The following NOP53 variants were observed in gnomAD, a reference collection of about 807,000 sequenced individuals.
NOP53 encodes the protein ribosome biogenesis protein NOP53.
A neutral mutation model predicts 61.0 loss-of-function variants in NOP53; 40 were observed. The observed-to-expected ratio is 0.66, with a 90% CI of 0.51 to 0.85. NOP53 has a LOEUF of 0.85. Among genes scored for constraint, NOP53 ranks in the 40% least tolerant of loss-of-function variants. NOP53 has a pLI of 0.00. For missense variants in NOP53, 689 were observed against 652.9 expected, an observed-to-expected ratio of 1.06 and a Z score of -0.60; for synonymous variants, 308 against 289.5, an observed-to-expected ratio of 1.06 and a Z score of -0.65.
intron 8 of NOP53, among the ~76,000 whole-genome samples, 161 bp downstream of exon 8, chr19:47,755,052 T>C (rs1253058414): frequency 6.6e-6 from 1 of 152,100 alleles, no homozygotes; most frequent in Non-Finnish European, 1.5e-5. Flanking sequence ...CTGAGACTCA[T>C]TTCCCAGCCT....
rs772407067 is a variant in NOP53 at position 47,745,762 on chromosome 19, G to A, written c.203G>A (p.Arg68Gln). The A allele has an allele frequency of 3.2e-6, 5 of 1,573,644 alleles. No individual in the cohort carries two copies. Among genetic ancestry groups the A allele is most frequent in the Admixed American group, 1.9e-5 (1 of 52,806 alleles). Reference protein sequence around the residue: ...LEVDQFLEDVRLQERTSGGLL... With the variant: ...LEVDQFLEDVQLQERTSGGLL... ...GTTGACCAGTTCCTGGAAGACGTGC[G>A]GCTACAGGAGCGCACGAGCGGGTAC... Residue 68 changes from arginine (R) to glutamine (Q), a missense_variant, in exon 1 of 13, where the codon CGG becomes CAG. Arg to Gln is a conservative substitution (Grantham distance 43, BLOSUM62 1). Transcript: ENST00000246802.
chr19:47,756,049 C>A (rs2123679884), intron 10 of NOP53: 2 of 582,654 alleles, frequency 3.4e-6, no homozygotes, highest in Non-Finnish European at 6.1e-6. Flanking sequence ...TCCAGCTGGT[C>A]CCTGTTGCAG....
chr19:47,746,156 A>G (rs1304003293), intron 1 of NOP53: 1 of 198,288 alleles, frequency 5.0e-6, no homozygotes, highest in Non-Finnish European at 1.0e-5. Context: ...GTGTGTATAT[A>G]TATATGTGTA....
At position 47,745,734 on chromosome 19, in the gene NOP53, G is replaced by C; in HGVS notation, c.175G>C (p.Glu59Gln). 6.2e-7 allele frequency: 1 copy of C among 1,605,626 alleles called. No homozygotes were observed. The highest frequency in any genetic ancestry group is 1.1e-5 in the South Asian group (1 of 90,778). ...RRLAQEPLGLEVDQFLEDVRL... is the reference protein window; with the variant it reads ...RRLAQEPLGLQVDQFLEDVRL... ...GCTTGCTCAGGAGCCGCTGGGGCTG[G>C]AGGTTGACCAGTTCCTGGAAGACGT... The change falls in exon 1 of 13, where the codon GAG becomes CAG. Residue 59 changes from glutamate (E) to glutamine (Q), a missense_variant. Coordinates refer to ENST00000246802, the MANE Select transcript of NOP53 (RefSeq NM_015710.5).
rs1302941369 is a variant in NOP53 at position 47,745,622 on chromosome 19, T to C, written c.63T>C (p.Gly21=). The part of the protein sequence containing the change: ...KRSSKSDADS[G]FLGLRPTSVD... ...GCTCGAAAAGCGATGCCGATTCTGG[T>C]TTCCTGGGGCTGCGGCCCACTTCGG... The change falls in exon 1 of 13, where the codon GGT becomes GGC. Residue 21 remains glycine, a synonymous_variant. Coordinates refer to ENST00000246802, the MANE Select transcript of NOP53 (RefSeq NM_015710.5). 1 of 1,613,830 alleles carries C rather than the reference T, an allele frequency of 6.2e-7. No homozygotes were observed. The highest frequency in any genetic ancestry group is 1.3e-5 in the African/African-American group (1 of 74,888).
rs747037075 is a variant in NOP53 at position 47,750,902 on chromosome 19, G to A, written c.399-6G>A. 14 of 1,578,486 alleles carry A rather than the reference G, an allele frequency of 8.9e-6. No homozygotes were observed. In the East Asian group the frequency reaches 9.2e-5, roughly 10 times the overall value. ...TGCTGCACTTGTGCCCCCTCTCCCC[G>A]ACCAGCGTCCTCGCCCACCAGGTCC... is the stretch of plus-strand genomic sequence containing the variant. On this transcript the variant is annotated splice_polypyrimidine_tract_variant and splice_region_variant and intron_variant, in intron 3 of 12. Coordinates refer to ENST00000246802, the MANE Select transcript of NOP53 (RefSeq NM_015710.5).
rs1329768762 is a variant in NOP53, at chr19:47,752,520, A to T, written c.678A>T (p.Ala226=). The change falls in exon 6 of 13, where the codon GCA becomes GCT. Residue 226 remains alanine (A), a synonymous_variant. Coordinates refer to ENST00000246802, the MANE Select transcript of NOP53 (RefSeq NM_015710.5). ...QTKKKGVKRP[A]RLHTKPSQAP... is the part of the protein sequence containing the mutation. ...CGGCCTTTTCTCCACAGCGGCCAGCACGCCTGCACACCAAGCCGTCCCAGG... is the reference window on the plus strand; with the variant it reads ...CGGCCTTTTCTCCACAGCGGCCAGCTCGCCTGCACACCAAGCCGTCCCAGG... 2 of 1,601,316 alleles carry T rather than the reference A, an allele frequency of 1.2e-6. No homozygotes were observed. The highest frequency in any genetic ancestry group is 1.7e-6 in the Non-Finnish European group (2 of 1,173,906).
In NOP53 at chr19:47,755,467, G is replaced by A. The variant is rs1439958681; in HGVS notation, c.1173G>A (p.Arg391=). Residue 391 remains arginine (R), a synonymous_variant, in exon 9 of 13, where the codon CGG becomes CGA. Coordinates refer to ENST00000246802, the MANE Select transcript of NOP53 (RefSeq NM_015710.5). ...CGGAGCTGGCGCGGCGGCAGAGGCG[G>A]CGGCAGGCGCGGCGGGAGGCTGAGG... ...RLAELARRQR[R]RQARREAEAD... 1.3e-6 allele frequency: 2 copies of A among 1,491,922 alleles called. No homozygotes were observed. The highest frequency in any genetic ancestry group is 1.8e-6 in the Non-Finnish European group (2 of 1,125,408). 92.4% of individuals were successfully genotyped at this position (1,491,922 alleles called of 1,614,324 possible). A position where few individuals can be genotyped will look rare whatever the true frequency, so the allele number is the denominator to read the frequency against.
Position 47,757,020 on chromosome 19 carries a change from C to T in NOP53, c.*15C>T, listed in dbSNP as rs113262460. ...CCAGGTTGTAGCTGCCATCAGATGC[C>T]GGAGACTCGCCCTTCAATAAAAAAT... On this transcript the variant is annotated 3_prime_UTR_variant, in exon 13 of 13. Coordinates refer to ENST00000246802, the MANE Select transcript of NOP53 (RefSeq NM_015710.5). 15,778 of 1,613,540 alleles carry T rather than the reference C, an allele frequency of 9.8e-3. 190 individuals are homozygous for T. Among genetic ancestry groups the T allele is most frequent in the Admixed American group, 0.053 (3,183 of 59,958 alleles).
rs747469849 is a variant in NOP53, at chr19:47,751,539, G to T, written c.618G>T (p.Leu206Phe). ...WASDNPLDRP[L>F]VGQDEFFLEQ... is the part of the protein sequence containing the mutation. The stretch of plus-strand genomic sequence containing the variant: ...CCACAGACCCCCTGGACAGGCCGTT[G>T]GTTGGCCAGGATGAGTTTTTCCTGG... The change falls in exon 5 of 13, where the codon TTG becomes TTT. Residue 206 changes from leucine to phenylalanine, a missense_variant. By Grantham distance (22) the Leu-to-Phe change is conservative. Transcript: ENST00000246802. The T allele has an allele frequency of 1.2e-6, 2 of 1,613,956 alleles. No individual in the cohort carries two copies. Among genetic ancestry groups the T allele is most frequent in the South Asian group, 1.1e-5 (1 of 91,074 alleles).
At chr19:47,747,431 C>G (rs1268113727) in intron 2 of NOP53, among the ~76,000 whole-genome samples, 1 of 152,062 alleles carries the variant, frequency 6.6e-6, no homozygotes, top group East Asian at 1.9e-4. Context: ...CACCTGAGGT[C>G]AGGAGTTCGA....
At chr19:47,750,887 G>A in intron 3 of NOP53, 21 bp from the exon 4 acceptor site, 1 of 1,563,326 alleles carries the variant, frequency 6.4e-7, no homozygotes, top group Non-Finnish European at 8.7e-7. Flanking sequence ...TGCTGCACTT[G>A]TGCCCCCTCT....
At chr19:47,756,221 T>C (rs10414116) in intron 10 of NOP53, 100,037 of 526,090 alleles carry the variant, frequency 0.19, 14,781 homozygotes, top group African/African-American at 0.58. Flanking sequence ...CTCCAGCCAG[T>C]TGTGCTCATG....
At chr19:47,752,697 A>G (rs376275665) in intron 6 of NOP53, 90 bp downstream of exon 6, 25 of 837,724 alleles carry the variant, frequency 3.0e-5, no homozygotes, top group South Asian at 1.2e-4. Flanking sequence ...GGGAACTCCA[A>G]TGACCCAGAC....
intron 1 of NOP53, 91 bp from the exon 2 acceptor site, chr19:47,746,876 G>A: frequency 9.5e-7 from 1 of 1,057,708 alleles, no homozygotes. Flanking sequence ...GGCGGGACTT[G>A]ACTAAGCGGA....
rs906921534 is a variant in NOP53, at chr19:47,754,398, T to G, written c.766-129T>G. 2 of 709,618 alleles carry G rather than the reference T, an allele frequency of 2.8e-6. No individual in the cohort carries two copies. The highest frequency in any genetic ancestry group is 3.5e-5 in the South Asian group (2 of 57,862). 44.0% of individuals were successfully genotyped at this position (709,618 alleles called of 1,614,324 possible). On this transcript the variant is annotated intron_variant, in intron 6 of 12. Transcript: ENST00000246802. This position sits in a 1 kb window ranked among gnomAD's most constrained non-coding sequence, Gnocchi z 4.2. ...AGGGTGGGTGTGCTGGTAGACGGGG[T>G]GTGGGGAGGAAAGCCTGGGCCGGGG...
chr19:47,755,293 G>T, intron 8 of NOP53, 55 bp from the exon 9 acceptor site: 4 of 1,214,294 alleles, frequency 3.3e-6, no homozygotes, highest in South Asian at 1.6e-5. Flanking sequence ...TAGAGAGAAG[G>T]TCTCCCTGTG....
At chr19:47,756,820 C>T (rs1967207257) in intron 12 of NOP53, 76 bp downstream of exon 12, 20 of 1,551,814 alleles carry the variant, frequency 1.3e-5, no homozygotes, top group Admixed American at 1.7e-5. Flanking sequence ...CCCAGGGCCC[C>T]TTCCAGAGTG....
rs1324339904 is a variant in NOP53 at position 47,755,435 on chromosome 19, AG to A, written c.1143del (p.Arg381SerfsTer40). On this transcript the variant is annotated frameshift_variant, in exon 9 of 13. Coordinates refer to ENST00000246802, the MANE Select transcript of NOP53 (RefSeq NM_015710.5). LOFTEE classifies it high-confidence loss of function. ...LRGIKAQVAL[R>X]LAELARRQRR... ...CGGGATCAAGGCCCAGGTGGCCCTG[AG>A]GCTGGCGGAGCTGGCGCGGCGGCAG... is the stretch of plus-strand genomic sequence containing the variant. The A allele has an allele frequency of 6.5e-7, 1 of 1,526,924 alleles. No homozygotes were observed. The highest frequency in any genetic ancestry group is 1.4e-5 in the African/African-American group (1 of 70,492). 94.6% of individuals were successfully genotyped at this position (1,526,924 alleles called of 1,614,324 possible). A position where few individuals can be genotyped will look rare whatever the true frequency, so the allele number is the denominator to read the frequency against.
Sources: gnomAD v4.1 joint callset for allele counts (sites outside exome capture counted in the v4.1 genomes callset) on GRCh38, gnomAD v4.1.1 for gene constraint, Gnocchi (gnomAD v3.1) non-coding constraint, MANE v1.5 for transcripts, NCBI Gene and HGNC (gene_info 2026-07-23, HGNC 2026-07-21) for gene names.